GADL1: variants seen among roughly 807,000 people sequenced by gnomAD.
GADL1 encodes the protein GAD like acidic amino acid decarboxylase 1, also known as acidic amino acid decarboxylase GADL1.
Under a neutral mutation model 69.5 loss-of-function variants are expected in GADL1, and 71 were observed. That is an observed-to-expected ratio of 1.02 (90% CI 0.84 to 1.25). GADL1 has a LOEUF of 1.25. Ranked by LOEUF, GADL1 falls within the 50% of genes most tolerant of loss-of-function variation. GADL1 has a pLI of 0.00. For missense variants in GADL1, 737 were observed against 631.8 expected (o/e 1.17, Z -1.79); for synonymous variants, 254 against 214.4 (o/e 1.18, Z -1.62).
chr3:30,784,598 T>C, intron 13 of GADL1, among the ~76,000 whole-genome samples: 1 of 152,220 alleles, frequency 6.6e-6, no homozygotes, highest in East Asian at 1.9e-4. Context: ...CTGGAAAGTA[T>C]TTCCCAAACT....
At chr3:30,819,294 T>A (rs1022218380) in intron 11 of GADL1, among the ~76,000 whole-genome samples, 2 of 151,948 alleles carry the variant, frequency 1.3e-5, no homozygotes, top group Non-Finnish European at 2.9e-5. Context: ...AAAGAGGGTG[T>A]GAACTAAAAA....
Position 30,810,136 on chromosome 3 carries a change from A to G in GADL1, c.1051-9048T>C, listed in dbSNP as rs569236901. Among the ~76,000 whole-genome samples the G allele has an allele frequency of 7.2e-5, 11 of 152,098 alleles. No homozygotes were observed. The South Asian group carries it at 2.3e-3, about 32-fold the overall frequency. ...ATCTCCTTTCCTCGAGTTTATTTTG[A>G]TCTCCAGTTTCTCAAAAACTGTGTG... On this transcript the variant is annotated intron_variant, in intron 11 of 14. Coordinates refer to ENST00000282538, the MANE Select transcript of GADL1 (RefSeq NM_207359.3).
chr3:30,891,596 G>C (rs1324316066), intron 1 of GADL1, among the ~76,000 whole-genome samples: 1 of 151,646 alleles, frequency 6.6e-6, no homozygotes, highest in Non-Finnish European at 1.5e-5. Context: ...TGAGAGCCCT[G>C]GGTTTAACGC....
intron 14 of GADL1, among the ~76,000 whole-genome samples, chr3:30,752,190 T>G (rs1043083430): frequency 6.6e-6 from 1 of 150,776 alleles, no homozygotes; most frequent in African/African-American, 2.5e-5. Context: ...TGTTAAGTTC[T>G]CTCAGGTAAC....
At chr3:30,862,043 ACCT>A (rs1295331911) in intron 1 of GADL1, among the ~76,000 whole-genome samples, 3 of 151,852 alleles carry the variant, frequency 2.0e-5, no homozygotes, top group Non-Finnish European at 4.4e-5. Flanking sequence ...GGAGTATATG[ACCT>A]CCTAATTCAG....
chr3:30,894,416 C>T (rs1434555191), intron 1 of GADL1, among the ~76,000 whole-genome samples, 162 bp downstream of exon 1: 3 of 152,172 alleles, frequency 2.0e-5, no homozygotes, highest in South Asian at 4.1e-4. Context: ...CTTTTAGGTA[C>T]GGAAAACGGA....
In GADL1 at chr3:30,794,068, T is replaced by C. The variant is rs141078299; in HGVS notation, c.1250+6821A>G. 2.6e-5 allele frequency among the ~76,000 whole-genome samples: 4 copies of C among 152,334 alleles called. No homozygotes were observed. In the East Asian group the frequency reaches 7.7e-4, roughly 29 times the overall value. ...AATGAAAACAAAGACTGTTCCCTAG[T>C]CTTCCAGACTCTGTACCTCCCATCA... is the stretch of plus-strand genomic sequence containing the variant. On this transcript the variant is annotated intron_variant, in intron 12 of 14. Coordinates refer to ENST00000282538, the MANE Select transcript of GADL1 (RefSeq NM_207359.3).
chr3:30,747,032 T>C (rs914312912), intron 14 of GADL1, among the ~76,000 whole-genome samples: 2 of 152,196 alleles, frequency 1.3e-5, no homozygotes, highest in African/African-American at 4.8e-5. Context: ...TGTGTAATTA[T>C]AGCAGACATA....
chr3:30,797,704 T>C (rs1697072655), intron 12 of GADL1: 1 of 151,776 alleles, frequency 6.6e-6, no homozygotes, highest in African/African-American at 2.4e-5. Flanking sequence ...TAAGAAATGA[T>C]AGGGACTGTG....
intron 11 of GADL1, among the ~76,000 whole-genome samples, chr3:30,823,620 A>C (rs2125518829): frequency 6.6e-6 from 1 of 152,120 alleles, no homozygotes; most frequent in South Asian, 2.1e-4. Context: ...TAAACCACCA[A>C]AGATTATAAG....
At chr3:30,805,927 C>T (rs1208295816) in intron 11 of GADL1, among the ~76,000 whole-genome samples, 1 of 151,816 alleles carries the variant, frequency 6.6e-6, no homozygotes, top group African/African-American at 2.4e-5. Flanking sequence ...ATAGTTTGCA[C>T]TCCTATGAGA....
intron 1 of GADL1, among the ~76,000 whole-genome samples, chr3:30,874,771 C>A (rs1371518312): frequency 6.6e-6 from 1 of 151,906 alleles, no homozygotes; most frequent in Non-Finnish European, 1.5e-5. Context: ...TACAAAACAA[C>A]AACTCTTTGA....
At position 30,759,661 on chromosome 3, in the gene GADL1, CTTTA is replaced by C. The variant is rs1302400082; in HGVS notation, c.1392+18514_1392+18517del. ...AAACCTGTTTTTTAAAAGTGACCATCTTTATTTGTGGTAGATTAGGTTCTTCAGA... is the reference window on the plus strand; with the variant it reads ...AAACCTGTTTTTTAAAAGTGACCATCTTTGTGGTAGATTAGGTTCTTCAGA... On this transcript the variant is annotated intron_variant, in intron 14 of 14. Coordinates refer to ENST00000282538, the MANE Select transcript of GADL1 (RefSeq NM_207359.3). Among the ~76,000 whole-genome samples, 22 of 152,176 alleles carry C rather than the reference CTTTA, an allele frequency of 1.4e-4. No individual in the cohort carries two copies. In the East Asian group the frequency reaches 3.9e-3, roughly 27 times the overall value.
intron 14 of GADL1, among the ~76,000 whole-genome samples, chr3:30,749,698 A>G (rs1034119892): frequency 7.9e-5 from 12 of 152,204 alleles, no homozygotes; most frequent in African/African-American, 2.9e-4. Context: ...TCAATCTGCT[A>G]GGCAACACCT....
In GADL1 at chr3:30,866,639, T is replaced by C. The variant is rs111463151; in HGVS notation, c.38-4874A>G. ...GGCAGGAAGAGAGGACCACAGTGGT[T>C]GGGGGTTCCCCTGTGAGAAGAGCAG... On this transcript the variant is annotated intron_variant, in intron 1 of 14. Coordinates refer to ENST00000282538, the MANE Select transcript of GADL1 (RefSeq NM_207359.3). 3.0e-3 allele frequency among the ~76,000 whole-genome samples: 462 copies of C among 152,066 alleles called. 2 individuals carry two copies. The highest frequency in any genetic ancestry group is 5.3e-3 in the Non-Finnish European group (360 of 67,958).
In GADL1 at chr3:30,800,992, G is replaced by T; in HGVS notation, c.1147C>A (p.Gln383Lys). The T allele has an allele frequency of 6.2e-7, 1 of 1,613,844 alleles. No individual in the cohort carries two copies. The highest frequency in any genetic ancestry group is 8.5e-7 in the Non-Finnish European group (1 of 1,179,838). ...VSYDTGDKSIQCSRRPDAFKF... is the reference protein window; with the variant it reads ...VSYDTGDKSIKCSRRPDAFKF... ...AATGCATCTGGTCTTCTGCTACACTGGATAGACTTGTCTCCTGTGTCATAG... is the reference window on the plus strand; with the variant it reads ...AATGCATCTGGTCTTCTGCTACACTTGATAGACTTGTCTCCTGTGTCATAG... The change falls in exon 12 of 15, where the codon CAG becomes AAG. Residue 383 changes from glutamine to lysine, a missense_variant. By Grantham distance (53) the Gln-to-Lys change is moderately conservative. Transcript: ENST00000282538.
At chr3:30,878,564 C>T (rs759877742) in intron 1 of GADL1, among the ~76,000 whole-genome samples, 7 of 151,846 alleles carry the variant, frequency 4.6e-5, no homozygotes, top group Admixed American at 1.3e-4. Flanking sequence ...CATCTCTTTT[C>T]CCTCTTCATA....
intron 1 of GADL1, among the ~76,000 whole-genome samples, chr3:30,862,083 G>A (rs926548376): frequency 1.3e-5 from 2 of 151,846 alleles, no homozygotes; most frequent in Non-Finnish European, 2.9e-5. Flanking sequence ...ATGGGGAAAG[G>A]TACCATTCAC....
Position 30,810,418 on chromosome 3 carries a change from G to GATAT in GADL1, c.1051-9334_1051-9331dup, listed in dbSNP as rs141146207. On this transcript the variant is annotated intron_variant, in intron 11 of 14. Transcript: ENST00000282538. ...AGACAGATACATAGGTAGATATAGA[G>GATAT]ATATATATATAGAGAGAGAGATCTG... Among the ~76,000 whole-genome samples, 2,076 of 151,988 alleles carry GATAT rather than the reference G, an allele frequency of 0.014. 201 individuals carry two copies. The East Asian group carries it at 0.28, about 20-fold the overall frequency.
Sources: gnomAD v4.1 joint callset for allele counts (sites outside exome capture counted in the v4.1 genomes callset) on GRCh38, gnomAD v4.1.1 for gene constraint, MANE v1.5 for transcripts, NCBI Gene and HGNC (gene_info 2026-07-23, HGNC 2026-07-21) for gene names.